Variants in DDX17 observed in about 807,000 individuals in gnomAD.
The protein encoded by DDX17 is DEAD-box helicase 17.
Under a neutral mutation model 80.8 loss-of-function variants are expected in DDX17, and 10 were observed. The observed-to-expected ratio is 0.12, with a 90% confidence interval of 0.08 to 0.21. The LOEUF (loss-of-function observed/expected upper bound fraction) is 0.21, where lower values mean the gene tolerates loss of function less well. Among genes scored for constraint, DDX17 ranks in the 10% least tolerant of loss-of-function variants. The pLI, the probability that DDX17 is intolerant of heterozygous loss-of-function variation, is 1.00. For synonymous variants in DDX17, 339 were observed against 336.2 expected, an observed-to-expected ratio of 1.01 and a Z score of -0.09; for missense variants, 586 against 957.4, an observed-to-expected ratio of 0.61 and a Z score of 5.12.
Position 38,489,162 on chromosome 22 carries a change from T to G in DDX17, c.1448-1047A>C. On this transcript the variant is annotated intron_variant, in intron 11 of 12. Transcript: ENST00000403230. The surrounding 1 kb of genome is among the most constrained non-coding windows in gnomAD (Gnocchi z 4.6). ...TTTTACAAAGAATATTCAGAAAATA[T>G]CCTAGATAAAACACAGATTTTTGTG... is the stretch of plus-strand genomic sequence containing the variant. The G allele has an allele frequency of 1.0e-6, 1 of 985,028 alleles. No individual in the cohort carries two copies. Among genetic ancestry groups the G allele is most frequent in the Non-Finnish European group, 1.2e-6 (1 of 829,408 alleles). 61.0% of individuals were successfully genotyped at this position (985,028 alleles called of 1,614,324 possible). A position where few individuals can be genotyped will look rare whatever the true frequency, so the allele number is the denominator to read the frequency against.
At chr22:38,492,238 A>G in intron 10 of DDX17, 123 bp from the exon 11 acceptor site, 1 of 703,564 alleles carries the variant, frequency 1.4e-6, no homozygotes, top group Middle Eastern at 2.5e-4. Flanking sequence ...AATGACTGAC[A>G]GTGATTCTTT....
rs1375519346 is a variant in DDX17, at chr22:38,506,197, A to G, written c.41T>C (p.Leu14Pro). Residue 14 changes from leucine (L) to proline (P), a missense_variant, in exon 1 of 13, where the codon CTC becomes CCC. Physicochemically the swap from Leu to Pro is moderately conservative, Grantham distance 98 (BLOSUM62 -3). Around this residue, in one of 4 missense-constraint regions of DDX17, gnomAD observed 215 missense variants for 238.4 expected, o/e 0.90. Coordinates refer to ENST00000403230, the MANE Select transcript of DDX17 (RefSeq NM_006386.5). ...CGCCGCCTCTCTCGTCGGAGACGGG[A>G]GCAAAACACAGAGAATCGGGGCTAC... The G allele has an allele frequency of 1.2e-6, 2 of 1,606,408 alleles. No homozygotes were observed. The highest frequency in any genetic ancestry group is 1.1e-5 in the South Asian group (1 of 90,020).
chr22:38,501,455 T>C (rs1017934693), intron 1 of DDX17, among the ~76,000 whole-genome samples, 175 bp from the exon 2 acceptor site: 1 of 152,198 alleles, frequency 6.6e-6, no homozygotes, highest in African/African-American at 2.4e-5. Context: ...CCTCCCTTAC[T>C]ACCCAACAAT....
At chr22:38,494,342 T>C (rs1405160213) in intron 8 of DDX17, 2 of 589,642 alleles carry the variant, frequency 3.4e-6, no homozygotes, top group African/African-American at 3.7e-5. Flanking sequence ...ATGTAAGTGG[T>C]ATTACTCCCA....
At chr22:38,505,552 G>A (rs911115882) in intron 1 of DDX17, 5 of 189,154 alleles carry the variant, frequency 2.6e-5, no homozygotes, top group Non-Finnish European at 4.3e-5. Context: ...GAAGATCCGC[G>A]TTTTTCAGAT....
intron 1 of DDX17, chr22:38,505,659 G>C (rs970326467): frequency 2.5e-5 from 10 of 400,544 alleles, no homozygotes; most frequent in African/African-American, 4.2e-5. Flanking sequence ...GGCCTGGGCT[G>C]ATGCGGCCAG....
chr22:38,485,863 G>GAA lies in DDX17; in HGVS notation c.*70_*71dup. ...GGAAAAAAAAAGAAAAGGCGAAGAG[G>GAA]AAAAAAAAAGGAAAGACAGTGTTCC... is the stretch of plus-strand genomic sequence containing the variant. On this transcript the variant is annotated 3_prime_UTR_variant, in exon 13 of 13. Transcript: ENST00000403230. The GAA allele has an allele frequency of 6.8e-7, 1 of 1,461,470 alleles. No homozygotes were observed. The highest frequency in any genetic ancestry group is 2.6e-5 in the Admixed American group (1 of 39,020). 90.5% of individuals were successfully genotyped at this position (1,461,470 alleles called of 1,614,324 possible).
intron 6 of DDX17, among the ~76,000 whole-genome samples, chr22:38,495,334 C>T (rs554618067): frequency 6.6e-6 from 1 of 151,358 alleles, no homozygotes; most frequent in African/African-American, 2.4e-5. Context: ...CAAGCTCCGA[C>T]TCCCAGGTTC....
chr22:38,503,218 C>A (rs2089847762), intron 1 of DDX17, among the ~76,000 whole-genome samples: 1 of 152,180 alleles, frequency 6.6e-6, no homozygotes, highest in South Asian at 2.1e-4. Flanking sequence ...TCAATTGCCG[C>A]TCCCGCCACA....
intron 11 of DDX17, chr22:38,488,490 G>T: frequency 3.7e-6 from 4 of 1,085,558 alleles, no homozygotes; most frequent in Non-Finnish European, 4.5e-6. Context: ...GAACAAAGTG[G>T]TAAACCACTG....
At chr22:38,505,680 C>G (rs2089873883) in intron 1 of DDX17, 1 of 438,816 alleles carries the variant, frequency 2.3e-6, no homozygotes, top group Non-Finnish European at 4.0e-6. Flanking sequence ...GCCGCCCCTC[C>G]CGATCCCCCG....
intron 6 of DDX17, among the ~76,000 whole-genome samples, 200 bp from the exon 7 acceptor site, chr22:38,495,246 A>ATTTTTTT (rs138442): frequency 2.3e-5 from 3 of 130,682 alleles, no homozygotes; most frequent in African/African-American, 2.9e-5. Context: ...CAGAGAAGCT[A>ATTTTTTT]TTTTTTTTTT....
rs1293760968 is a variant in DDX17, at chr22:38,488,126, A to C, written c.1448-11T>G. 11 of 1,614,022 alleles carry C rather than the reference A, an allele frequency of 6.8e-6. No individual in the cohort carries two copies. Among genetic ancestry groups the C allele is most frequent in the Non-Finnish European group, 8.5e-6 (10 of 1,180,026 alleles). On this transcript the variant is annotated splice_polypyrimidine_tract_variant and intron_variant, in intron 11 of 12. Coordinates refer to ENST00000403230, the MANE Select transcript of DDX17 (RefSeq NM_006386.5). Reference sequence around the variant, plus strand: ...TGACATCTTCCACATCTTCCACGTCAATGATGAGTCAGTGTGTAGGTTGAT... The same window carrying C: ...TGACATCTTCCACATCTTCCACGTCCATGATGAGTCAGTGTGTAGGTTGAT...
intron 11 of DDX17, chr22:38,490,701 A>G (rs2089705514): frequency 3.8e-6 from 1 of 266,010 alleles, no homozygotes; most frequent in Non-Finnish European, 7.5e-6. Flanking sequence ...ACTTTCCAGG[A>G]TCTTGTAGGA....
chr22:38,499,172 T>C (rs1163646169), intron 3 of DDX17, among the ~76,000 whole-genome samples: 2 of 152,080 alleles, frequency 1.3e-5, no homozygotes, highest in African/African-American at 4.8e-5. Context: ...CATTCTGCTG[T>C]TTTCTAAAAG....
At chr22:38,497,619 CA>C (rs138449) in intron 5 of DDX17, among the ~76,000 whole-genome samples, 2,371 of 74,866 alleles carry the variant, frequency 0.032, 94 homozygotes, top group African/African-American at 0.12. Context: ...AATATATCTC[CA>C]AAAAAAAAAA....
intron 5 of DDX17, among the ~76,000 whole-genome samples, chr22:38,496,793 G>T (rs971639161): frequency 6.6e-6 from 1 of 151,952 alleles, no homozygotes; most frequent in Non-Finnish European, 1.5e-5. Flanking sequence ...TGTACAATCT[G>T]GCCAAATAAT....
chr22:38,505,010 GC>G (rs2089866864), intron 1 of DDX17, among the ~76,000 whole-genome samples: 1 of 152,250 alleles, frequency 6.6e-6, no homozygotes, highest in Admixed American at 6.5e-5. Flanking sequence ...CCGGGTTCAA[GC>G]GATTCTCCTG....
chr22:38,498,331 G>C, intron 4 of DDX17, 109 bp downstream of exon 4: 2 of 1,485,128 alleles, frequency 1.3e-6, no homozygotes, highest in African/African-American at 2.8e-5. Context: ...AACTAAAATA[G>C]TATCTAACTA....
Sources: allele counts gnomAD v4.1 joint callset (sites outside exome capture counted in the v4.1 genomes callset), GRCh38; gene constraint gnomAD v4.1.1; regional missense constraint gnomAD v4.1.1; non-coding constraint Gnocchi (gnomAD v3.1); transcripts MANE v1.5; gene names NCBI Gene and HGNC (gene_info 2026-07-23, HGNC 2026-07-21).